Variants in PTPRN2 observed in about 807,000 individuals in gnomAD.
The protein encoded by PTPRN2 is protein tyrosine phosphatase receptor type N2.
A neutral mutation model predicts 118.8 loss-of-function variants in PTPRN2; 74 were observed. That is an observed-to-expected ratio of 0.62 (90% CI 0.52 to 0.76). The LOEUF (loss-of-function observed/expected upper bound fraction) is 0.76. Among genes scored for constraint, PTPRN2 ranks in the 30% least tolerant of loss-of-function variants. The pLI, the probability that PTPRN2 is intolerant of heterozygous loss-of-function variation, is 0.00. For synonymous variants in PTPRN2, 641 were observed against 608.0 expected, an observed-to-expected ratio of 1.05 and a Z score of -0.80; for missense variants, 1,481 against 1,394.4, an observed-to-expected ratio of 1.06 and a Z score of -0.99.
At chr7:158,421,881 G>A (rs1235331845) in intron 2 of PTPRN2, among the ~76,000 whole-genome samples, 3 of 152,152 alleles carry the variant, frequency 2.0e-5, no homozygotes, top group African/African-American at 7.2e-5. Context: ...TAGCCCTAAG[G>A]TTTGGGGTTA....
At chr7:158,390,514 T>C (rs1811842982) in intron 2 of PTPRN2, among the ~76,000 whole-genome samples, 1 of 152,034 alleles carries the variant, frequency 6.6e-6, no homozygotes. Context: ...CCCCATCCCT[T>C]CTCCAGCCTC....
chr7:157,732,066 A>C (rs151332227), intron 12 of PTPRN2, among the ~76,000 whole-genome samples: 2 of 21,344 alleles, frequency 9.4e-5, no homozygotes, highest in East Asian at 1.0e-3. Flanking sequence ...ACTCTTTTCC[A>C]CCCCATGCGC....
chr7:157,980,992 G>T (rs568256294), intron 11 of PTPRN2, among the ~76,000 whole-genome samples: 1 of 151,218 alleles, frequency 6.6e-6, no homozygotes. Flanking sequence ...GGGACAGGTG[G>T]GGGGTAAGTA....
intron 2 of PTPRN2, among the ~76,000 whole-genome samples, chr7:158,423,627 A>C (rs1448023453): frequency 6.6e-6 from 1 of 151,848 alleles, no homozygotes; most frequent in African/African-American, 2.4e-5. Flanking sequence ...TCCACCTCCT[A>C]GGTTCAAGCG....
intron 6 of PTPRN2, among the ~76,000 whole-genome samples, chr7:158,149,855 A>T (rs1355889659): frequency 6.6e-6 from 1 of 152,150 alleles, no homozygotes; most frequent in Non-Finnish European, 1.5e-5. Context: ...AAACAAAAAA[A>T]TTACTGTGGA....
chr7:158,102,727 C>A (rs1815332913), intron 10 of PTPRN2, among the ~76,000 whole-genome samples: 1 of 152,078 alleles, frequency 6.6e-6, no homozygotes, highest in Non-Finnish European at 1.5e-5. Context: ...TTGCATCACG[C>A]TTGAATCACA....
At chr7:157,742,071 C>G (rs1281972935) in intron 12 of PTPRN2, among the ~76,000 whole-genome samples, 2 of 152,226 alleles carry the variant, frequency 1.3e-5, no homozygotes, top group Non-Finnish European at 2.9e-5. Context: ...CAGCACGATT[C>G]CCTTCTAGAT....
intron 3 of PTPRN2, among the ~76,000 whole-genome samples, chr7:158,273,938 G>A (rs1254962039): frequency 5.2e-5 from 7 of 135,054 alleles, no homozygotes; most frequent in East Asian, 2.3e-4. Flanking sequence ...AGGGGGAGCC[G>A]CAGACACAGG....
intron 3 of PTPRN2, among the ~76,000 whole-genome samples, chr7:158,208,458 G>A (rs6942658): frequency 0.26 from 38,878 of 152,150 alleles, 5,661 homozygotes; most frequent in African/African-American, 0.39. Context: ...TCTGGCAGCA[G>A]ACTTTTCAGT....
At chr7:158,310,123 G>A (rs7790228) in intron 3 of PTPRN2, among the ~76,000 whole-genome samples, 137,243 of 152,262 alleles carry the variant, frequency 0.9, 62,279 homozygotes, top group Non-Finnish European at 0.96. Context: ...ACAGCAACTC[G>A]AACAAGAGAA....
chr7:157,795,165 GGC>G (rs1360010810), intron 12 of PTPRN2, among the ~76,000 whole-genome samples: 5 of 146,750 alleles, frequency 3.4e-5, no homozygotes, highest in African/African-American at 1.3e-4. Flanking sequence ...CGGGGTCGGG[GGC>G]GGGGGGGGCT....
intron 11 of PTPRN2, among the ~76,000 whole-genome samples, chr7:158,055,956 C>A (rs1264883891): frequency 6.6e-6 from 1 of 152,176 alleles, no homozygotes; most frequent in Admixed American, 6.5e-5. Context: ...GGGGCTGGAC[C>A]CTACACAGAG....
chr7:158,464,805 G>A (rs1819276344), intron 2 of PTPRN2, among the ~76,000 whole-genome samples: 1 of 151,658 alleles, frequency 6.6e-6, no homozygotes, highest in South Asian at 2.1e-4. Context: ...TCATTGGCAT[G>A]CCATTTAGTA....
rs1829052594 is a variant in PTPRN2 at position 158,587,592 on chromosome 7, G to A, written c.78C>T (p.Ser26=). 2.2e-6 allele frequency: 3 copies of A among 1,340,236 alleles called. No individual in the cohort carries two copies. Among genetic ancestry groups the A allele is most frequent in the Non-Finnish European group, 1.9e-6 (2 of 1,051,196 alleles). 83.0% of individuals were successfully genotyped at this position (1,340,236 alleles called of 1,614,324 possible). Residue 26 remains serine (S), a synonymous_variant, in exon 1 of 23, where the codon TCC becomes TCT. Coordinates refer to ENST00000389418, the MANE Select transcript of PTPRN2 (RefSeq NM_002847.5). ...PPRVLPAAPS[S]VPRGRQLPGR... ...CCGGGAGCTGCCGGCCGCGGGGGACGGACGAAGGGGCGGCAGGCAGGACGC... is the reference window on the plus strand; with the variant it reads ...CCGGGAGCTGCCGGCCGCGGGGGACAGACGAAGGGGCGGCAGGCAGGACGC...
chr7:158,273,539 G>GGA (rs202004930), intron 3 of PTPRN2, among the ~76,000 whole-genome samples: 5 of 128,986 alleles, frequency 3.9e-5, no homozygotes, highest in East Asian at 2.3e-4. Flanking sequence ...CGCAGACACG[G>GGA]GGAGCCGCAG....
chr7:158,319,418 CCACACACA>C (rs1213487193), intron 2 of PTPRN2, among the ~76,000 whole-genome samples: 1 of 88,204 alleles, frequency 1.1e-5, no homozygotes, highest in Non-Finnish European at 2.3e-5. Context: ...ACACAGCCTC[CCACACACA>C]CACACACACA....
At chr7:158,071,213 TGG>T (rs1811458861) in intron 11 of PTPRN2, among the ~76,000 whole-genome samples, 3 of 48,022 alleles carry the variant, frequency 6.2e-5, no homozygotes, top group Non-Finnish European at 1.3e-4. Context: ...GTGCTCGTGG[TGG>T]TGGAGGTGCC....
At chr7:158,068,920 C>T (rs1463512347) in intron 11 of PTPRN2, among the ~76,000 whole-genome samples, 2 of 152,204 alleles carry the variant, frequency 1.3e-5, no homozygotes, top group Non-Finnish European at 2.9e-5. Context: ...TGTACATCCA[C>T]CTTTAATCAG....
At chr7:157,972,464 C>A (rs1802401813) in intron 11 of PTPRN2, among the ~76,000 whole-genome samples, 1 of 152,172 alleles carries the variant, frequency 6.6e-6, no homozygotes, top group South Asian at 2.1e-4. Context: ...TGGGAGAGAC[C>A]ACAGGAACTC....
Sources: gnomAD v4.1 joint callset for allele counts (sites outside exome capture counted in the v4.1 genomes callset) on GRCh38, gnomAD v4.1.1 for gene constraint, MANE v1.5 for transcripts, NCBI Gene and HGNC (gene_info 2026-07-23, HGNC 2026-07-21) for gene names.